Variants in FOXP1 observed in about 807,000 individuals in gnomAD.
FOXP1 encodes forkhead box P1, also known as forkhead box protein P1.
FOXP1 carries 15 observed loss-of-function variants against 98.2 expected under a neutral mutation model. The observed-to-expected ratio is 0.15, with a 90% CI of 0.10 to 0.24. FOXP1 has a LOEUF of 0.24. FOXP1 is among the 10% of genes least tolerant of loss of function. FOXP1 has a pLI of 1.00. For synonymous variants in FOXP1, 371 were observed against 314.5 expected (o/e 1.18, Z -1.90); for missense variants, 633 against 848.5 (o/e 0.75, Z 3.15).
At chr3:70,992,935 G>A (rs1243840344) in intron 13 of FOXP1, among the ~76,000 whole-genome samples, 2 of 152,142 alleles carry the variant, frequency 1.3e-5, no homozygotes, top group Non-Finnish European at 2.9e-5. Context: ...GACGTGCTCA[G>A]GGCTTGTGCA....
chr3:71,294,073 C>A (rs925069724), intron 5 of FOXP1, among the ~76,000 whole-genome samples: 1 of 152,172 alleles, frequency 6.6e-6, no homozygotes, highest in African/African-American at 2.4e-5. Flanking sequence ...TAAATCTATA[C>A]AAACAGAATG....
intron 4 of FOXP1, among the ~76,000 whole-genome samples, chr3:71,316,966 C>T (rs1201650644): frequency 6.6e-6 from 1 of 152,074 alleles, no homozygotes; most frequent in Non-Finnish European, 1.5e-5. Context: ...AGGGCAAATT[C>T]TTAAGGCTAA....
intron 7 of FOXP1, 63 bp downstream of exon 7, chr3:71,112,473 T>C: frequency 1.5e-6 from 2 of 1,292,512 alleles, no homozygotes; most frequent in Admixed American, 1.7e-5. Flanking sequence ...AATCCACTCC[T>C]GAACTGCTTG....
At chr3:71,396,324 G>A (rs2081367275) in intron 3 of FOXP1, among the ~76,000 whole-genome samples, 1 of 152,136 alleles carries the variant, frequency 6.6e-6, no homozygotes, top group Admixed American at 6.5e-5. Flanking sequence ...TAGCAGAAAT[G>A]CAGTGCTCAG....
chr3:71,496,913 C>T (rs1180577014), intron 2 of FOXP1, among the ~76,000 whole-genome samples: 1 of 151,154 alleles, frequency 6.6e-6, no homozygotes, highest in Non-Finnish European at 1.5e-5. Context: ...TTTAAAGTAA[C>T]CAGGCATATC....
chr3:71,087,146 G>A (rs192487914), intron 7 of FOXP1, among the ~76,000 whole-genome samples: 2 of 152,252 alleles, frequency 1.3e-5, no homozygotes, highest in South Asian at 4.2e-4. Context: ...GGATTTCCTC[G>A]GGACAGTCCA....
chr3:71,200,022 C>A (rs994234913), intron 5 of FOXP1, among the ~76,000 whole-genome samples: 7 of 130,110 alleles, frequency 5.4e-5, no homozygotes, highest in African/African-American at 2.1e-4. Context: ...GCGGAGGTTG[C>A]AGTGAGCTGA....
intron 6 of FOXP1, among the ~76,000 whole-genome samples, chr3:71,133,167 A>C (rs544590868): frequency 6.6e-6 from 1 of 152,340 alleles, no homozygotes; most frequent in Admixed American, 6.5e-5. Flanking sequence ...GAATGCTGCC[A>C]CCACTGCTGT....
At chr3:71,010,083 G>A (rs1030307659) in intron 12 of FOXP1, among the ~76,000 whole-genome samples, 1 of 151,874 alleles carries the variant, frequency 6.6e-6, no homozygotes, top group Admixed American at 6.6e-5. Flanking sequence ...TCTAACAACC[G>A]TAAAAAGTGG....
At chr3:71,270,408 A>G (rs2070226230) in intron 5 of FOXP1, among the ~76,000 whole-genome samples, 2 of 152,204 alleles carry the variant, frequency 1.3e-5, no homozygotes, top group South Asian at 2.1e-4. Context: ...ACATTTTATC[A>G]AAGTGTCACT....
At chr3:70,993,545 G>C (rs766716450) in intron 13 of FOXP1, among the ~76,000 whole-genome samples, 3 of 152,152 alleles carry the variant, frequency 2.0e-5, no homozygotes, top group Non-Finnish European at 4.4e-5. Context: ...ATCTGGGAGG[G>C]ATCCCTGCAA....
At chr3:71,401,847 C>T (rs2081975223) in intron 3 of FOXP1, among the ~76,000 whole-genome samples, 1 of 152,228 alleles carries the variant, frequency 6.6e-6, no homozygotes, top group Non-Finnish European at 1.5e-5. Flanking sequence ...TTGAATCTGT[C>T]TGTTACAAGA....
intron 12 of FOXP1, among the ~76,000 whole-genome samples, chr3:71,010,017 A>G (rs1303959829): frequency 6.6e-6 from 1 of 151,600 alleles, no homozygotes; most frequent in East Asian, 1.9e-4. Context: ...TAGCCTCCAA[A>G]TGCATTGGGA....
At chr3:71,573,842 C>G (rs557709873) in intron 2 of FOXP1, 112 of 152,200 alleles carry the variant, frequency 7.4e-4, no homozygotes, top group African/African-American at 2.6e-3. Context: ...AAATATCTAC[C>G]ATACATCACT....
intron 7 of FOXP1, among the ~76,000 whole-genome samples, chr3:71,103,552 G>A (rs1035034839): frequency 2.0e-5 from 3 of 152,086 alleles, no homozygotes; most frequent in Non-Finnish European, 2.9e-5. Context: ...CTGGTCCATG[G>A]TATTGCACCA....
chr3:71,547,017 TTG>T (rs1363405032), intron 2 of FOXP1, among the ~76,000 whole-genome samples: 1 of 151,954 alleles, frequency 6.6e-6, no homozygotes, highest in Non-Finnish European at 1.5e-5. Context: ...ACAAAACAAA[TTG>T]TGAAATCTAG....
intron 2 of FOXP1, among the ~76,000 whole-genome samples, chr3:71,495,026 G>A (rs1243690490): frequency 6.6e-6 from 1 of 152,150 alleles, no homozygotes; most frequent in African/African-American, 2.4e-5. Flanking sequence ...TGGCCTGAGG[G>A]CCCTACATAA....
rs1207362372 is a variant in FOXP1 at position 70,955,362 on chromosome 3, G to GTAT, written c.*3882_*3884dup. On this transcript the variant is annotated 3_prime_UTR_variant, in exon 21 of 21. Transcript: ENST00000649528. ...GGCAGGACTGGTGGTAACTCTTCAC[G>GTAT]TATGTACATAAGCCTTGATATTCCA... is the stretch of plus-strand genomic sequence containing the variant. The GTAT allele has an allele frequency of 4.3e-6, 1 of 232,740 alleles. No individual in the cohort carries two copies. Among genetic ancestry groups the GTAT allele is most frequent in the African/African-American group, 2.2e-5 (1 of 45,254 alleles). 14.4% of individuals were successfully genotyped at this position (232,740 alleles called of 1,614,324 possible). A position where few individuals can be genotyped will look rare whatever the true frequency, so the allele number is the denominator to read the frequency against.
intron 17 of FOXP1, among the ~76,000 whole-genome samples, chr3:70,973,835 G>GCCCCCCCCCCCCCCCCC (rs56950015): frequency 6.5e-4 from 24 of 36,694 alleles, no homozygotes; most frequent in East Asian, 1.4e-3. Flanking sequence ...TTTGCACACC[G>GCCCCCCCCCCCCCCCCC]CCCCCCCCCC....
Sources: gnomAD v4.1 joint callset for allele counts (sites outside exome capture counted in the v4.1 genomes callset) on GRCh38, gnomAD v4.1.1 for gene constraint, MANE v1.5 for transcripts, NCBI Gene and HGNC (gene_info 2026-07-23, HGNC 2026-07-21) for gene names.